SMCHD1: variants seen among roughly 807,000 people sequenced by gnomAD.
SMCHD1 encodes structural maintenance of chromosomes flexible hinge domain containing 1, also known as structural maintenance of chromosomes flexible hinge domain-containing protein 1.
Under a neutral mutation model 254.7 loss-of-function variants are expected in SMCHD1, and 78 were observed. That is an observed-to-expected ratio of 0.31 (90% CI 0.26 to 0.37). The LOEUF is 0.37. Among genes scored for constraint, SMCHD1 ranks in the 10% least tolerant of loss-of-function variants. The pLI is 1.00. For synonymous variants in SMCHD1, 766 were observed against 794.9 expected, an observed-to-expected ratio of 0.96 and a Z score of 0.61; for missense variants, 1,840 against 2,408.1, an observed-to-expected ratio of 0.76 and a Z score of 4.94.
intron 7 of SMCHD1, among the ~76,000 whole-genome samples, chr18:2,693,057 G>T (rs930297798): frequency 6.6e-6 from 1 of 152,170 alleles, no homozygotes; most frequent in Non-Finnish European, 1.5e-5. Context: ...TTTTGAAGGG[G>T]TATGGTCTTA....
Position 2,748,792 on chromosome 18 carries a change from A to G in SMCHD1, c.3927+1145A>G, listed in dbSNP as rs540589481. Among the ~76,000 whole-genome samples the G allele has an allele frequency of 3.9e-5, 6 of 152,336 alleles. No homozygotes were observed. In the South Asian group the frequency reaches 1.2e-3, roughly 32 times the overall value. On this transcript the variant is annotated intron_variant, in intron 30 of 47. Transcript: ENST00000320876. Reference sequence around the variant, plus strand: ...AAGCAAGCCAGAGGGAGTTGGGGTCATATTCAGACAATCTTGAGTATCCCT... The same window carrying G: ...AAGCAAGCCAGAGGGAGTTGGGGTCGTATTCAGACAATCTTGAGTATCCCT...
chr18:2,657,491 G>A (rs576235747), intron 1 of SMCHD1, among the ~76,000 whole-genome samples: 9 of 152,078 alleles, frequency 5.9e-5, no homozygotes, highest in Non-Finnish European at 1.3e-4. Flanking sequence ...AACTTTTTAC[G>A]TTTATTGTGT....
chr18:2,784,597 T>C lies in SMCHD1; in HGVS notation c.5695T>C (p.Cys1899Arg). The change falls in exon 45 of 48, where the codon TGT becomes CGT. Residue 1899 changes from cysteine to arginine, a missense_variant. Cys to Arg is a radical substitution (Grantham distance 180, BLOSUM62 -3). Transcript: ENST00000320876. Reference protein sequence around the residue: ...MVFGAPVPKQCLILGEQIDLL... With the variant: ...MVFGAPVPKQRLILGEQIDLL... ...ATTTGGAGCTCCAGTTCCAAAACAG[T>C]GTCTGATCTTAGGGGAACAAATAGG... 6.2e-7 allele frequency: 1 copy of C among 1,602,560 alleles called. No homozygotes were observed. Among genetic ancestry groups the C allele is most frequent in the African/African-American group, 1.3e-5 (1 of 74,416 alleles).
chr18:2,697,159 T>C, intron 9 of SMCHD1, 37 bp downstream of exon 9: 1 of 1,065,188 alleles, frequency 9.4e-7, no homozygotes, highest in East Asian at 2.7e-5. Context: ...ATAAAAATTA[T>C]GAGATATTTG....
intron 20 of SMCHD1, 136 bp from the exon 21 acceptor site, chr18:2,724,761 TTC>T (rs1394771187): frequency 2.5e-5 from 11 of 431,808 alleles, no homozygotes; most frequent in Middle Eastern, 6.0e-4. Flanking sequence ...TGGAATTTTT[TTC>T]TGTTTAGTTT....
chr18:2,656,009 G>A lies in SMCHD1; in HGVS notation c.-67G>A. 1 of 1,222,918 alleles carries A rather than the reference G, an allele frequency of 8.2e-7. No individual in the cohort carries two copies. The highest frequency in any genetic ancestry group is 1.0e-6 in the Non-Finnish European group (1 of 974,940). The allele number at this position is 1,222,918 out of a possible 1,614,324, so 75.8% of individuals were successfully genotyped here. A position where few individuals can be genotyped will look rare whatever the true frequency, so the allele number is the denominator to read the frequency against. Reference sequence around the variant, plus strand: ...GGAGCTGGAGCTGAAGGCGCCGCGCGGAGCGCGCACCTCAGCCCTGAGCCC... The same window carrying A: ...GGAGCTGGAGCTGAAGGCGCCGCGCAGAGCGCGCACCTCAGCCCTGAGCCC... On this transcript the variant is annotated 5_prime_UTR_variant, in exon 1 of 48. Coordinates refer to ENST00000320876, the MANE Select transcript of SMCHD1 (RefSeq NM_015295.3).
At chr18:2,658,621 GCTAA>G (rs1326915709) in intron 1 of SMCHD1, among the ~76,000 whole-genome samples, 1 of 152,056 alleles carries the variant, frequency 6.6e-6, no homozygotes, top group Non-Finnish European at 1.5e-5. Context: ...GGCTGAGAAG[GCTAA>G]CTTTTTTGTT....
At chr18:2,745,746 A>G (rs1377065889) in intron 29 of SMCHD1, among the ~76,000 whole-genome samples, 1 of 152,228 alleles carries the variant, frequency 6.6e-6, no homozygotes, top group African/African-American at 2.4e-5. Context: ...ACAGCTTGTT[A>G]GCTCAAAAAT....
rs752121089 is a variant in SMCHD1, at chr18:2,751,384, C to A, written c.4272C>A (p.Pro1424=). Residue 1424 remains proline, a synonymous_variant, in exon 33 of 48, where the codon CCC becomes CCA. Coordinates refer to ENST00000320876, the MANE Select transcript of SMCHD1 (RefSeq NM_015295.3). The stretch of plus-strand genomic sequence containing the variant: ...AGCTGTCTACCAGTGGGAACCGACC[C>A]CCAGCAAATGTGAGTCATGGGAAGC... ...MWKLSTSGNR[P]PANAETFSCN... The A allele has an allele frequency of 9.0e-6, 14 of 1,556,946 alleles. No individual in the cohort carries two copies. Among genetic ancestry groups the A allele is most frequent in the Admixed American group, 2.1e-5 (1 of 47,122 alleles).
intron 34 of SMCHD1, 185 bp from the exon 35 acceptor site, chr18:2,760,467 C>A: frequency 2.1e-6 from 1 of 467,796 alleles, no homozygotes; most frequent in Non-Finnish European, 3.9e-6. Context: ...AAAGAATGTA[C>A]AGGTAAGAGG....
intron 44 of SMCHD1, among the ~76,000 whole-genome samples, chr18:2,783,591 T>C (rs1259231907): frequency 6.6e-6 from 1 of 152,078 alleles, no homozygotes; most frequent in African/African-American, 2.4e-5. Context: ...TTTTTTTTTT[T>C]CTGAGACAGA....
At chr18:2,660,715 C>T (rs1271042546) in intron 1 of SMCHD1, among the ~76,000 whole-genome samples, 1 of 109,946 alleles carries the variant, frequency 9.1e-6, no homozygotes, top group East Asian at 1.9e-4. Context: ...CTCAGGTGAT[C>T]GATCTACCCA....
chr18:2,755,171 C>G (rs185683849), intron 34 of SMCHD1, among the ~76,000 whole-genome samples: 15 of 152,242 alleles, frequency 9.9e-5, no homozygotes, highest in Non-Finnish European at 2.2e-4. Context: ...CTTCCTACCT[C>G]AGCCTCTCAG....
chr18:2,749,682 C>T (rs1337556016), intron 30 of SMCHD1, among the ~76,000 whole-genome samples: 1 of 152,134 alleles, frequency 6.6e-6, no homozygotes, highest in African/African-American at 2.4e-5. Context: ...TATATTTCTC[C>T]AGTGCAGTCC....
intron 32 of SMCHD1, 139 bp downstream of exon 32, chr18:2,750,646 C>T (rs189948865): frequency 8.8e-5 from 57 of 645,242 alleles, no homozygotes; most frequent in Non-Finnish European, 1.3e-4. Context: ...TATCATGTTG[C>T]AGATGTTAAG....
intron 5 of SMCHD1, among the ~76,000 whole-genome samples, chr18:2,687,429 T>A (rs986560820): frequency 1.3e-5 from 2 of 152,206 alleles, no homozygotes; most frequent in Admixed American, 1.3e-4. Flanking sequence ...TTCCTCTCTG[T>A]CTTTTACTGT....
rs969088652 is a variant in SMCHD1, at chr18:2,666,160, C to G, written c.190C>G (p.Leu64Val). Residue 64 changes from leucine (L) to valine (V), a missense_variant, in exon 2 of 48, where the codon CTT (leucine) becomes GTT (valine). Transcript: ENST00000320876. ...TTTTATTTCTTATTTTGGATAGACA[C>G]TTGGCATTTCACCTGAAGAAAAATT... The part of the protein sequence containing the change: ...AGFRACVCQT[L>V]GISPEEKFVI... The G allele has an allele frequency of 6.8e-7, 1 of 1,471,792 alleles. No homozygotes were observed. Among genetic ancestry groups the G allele is most frequent in the Admixed American group, 1.7e-5 (1 of 57,144 alleles). 91.2% of individuals were successfully genotyped at this position (1,471,792 alleles called of 1,614,324 possible). A position where few individuals can be genotyped will look rare whatever the true frequency, so the allele number is the denominator to read the frequency against.
intron 13 of SMCHD1, among the ~76,000 whole-genome samples, 189 bp downstream of exon 13, chr18:2,704,075 T>C (rs941791160): frequency 8.5e-5 from 13 of 152,192 alleles, no homozygotes; most frequent in Non-Finnish European, 1.6e-4. Flanking sequence ...CCATCATCTC[T>C]AAGGAAATTT....
chr18:2,794,888 A>G (rs2076230409), intron 45 of SMCHD1, among the ~76,000 whole-genome samples: 3 of 152,330 alleles, frequency 2.0e-5, no homozygotes, highest in South Asian at 2.1e-4. Flanking sequence ...ATGTTGTTTT[A>G]TGGTCCTTTT....
Sources: gnomAD v4.1 joint callset for allele counts (sites outside exome capture counted in the v4.1 genomes callset) on GRCh38, gnomAD v4.1.1 for gene constraint, MANE v1.5 for transcripts, NCBI Gene and HGNC (gene_info 2026-07-23, HGNC 2026-07-21) for gene names.